JAZF1: variants seen among roughly 807,000 people sequenced by gnomAD.
The protein encoded by JAZF1 is JAZF zinc finger 1.
JAZF1 carries 8 observed loss-of-function variants against 26.4 expected under a neutral mutation model. The ratio of observed to expected loss-of-function variants is 0.30; its 90% confidence interval spans 0.18 to 0.55. The LOEUF is 0.55. Ranked by LOEUF, JAZF1 falls within the 20% of genes least tolerant of loss-of-function variation. The pLI is 0.94. For missense variants in JAZF1, 199 were observed against 322.0 expected, an observed-to-expected ratio of 0.62 and a Z score of 2.92; for synonymous variants, 126 against 122.3, an observed-to-expected ratio of 1.03 and a Z score of -0.20.
At chr7:28,109,330 T>C (rs10267985) in intron 1 of JAZF1, among the ~76,000 whole-genome samples, 95,607 of 152,010 alleles carry the variant, frequency 0.63, 31,571 homozygotes, top group Non-Finnish European at 0.73. Flanking sequence ...ATGGTAAATA[T>C]ATTCACTTTT....
intron 1 of JAZF1, among the ~76,000 whole-genome samples, chr7:28,043,905 C>T (rs968443255): frequency 6.6e-6 from 1 of 151,914 alleles, no homozygotes; most frequent in African/African-American, 2.4e-5. Flanking sequence ...TAGTATGATT[C>T]AACTTAGAGG....
chr7:27,888,885 A>T (rs1378541410), intron 3 of JAZF1, among the ~76,000 whole-genome samples: 1 of 152,182 alleles, frequency 6.6e-6, no homozygotes, highest in African/African-American at 2.4e-5. Flanking sequence ...TCCAGGAGTA[A>T]CTATGCGATG....
chr7:27,896,802 A>C (rs2128342307), intron 2 of JAZF1, among the ~76,000 whole-genome samples: 1 of 152,362 alleles, frequency 6.6e-6, no homozygotes, highest in South Asian at 2.1e-4. Flanking sequence ...TGGTTCTTGC[A>C]ATATAATCCA....
chr7:28,144,708 T>C (rs1481439534), intron 1 of JAZF1, among the ~76,000 whole-genome samples: 2 of 152,208 alleles, frequency 1.3e-5, no homozygotes, highest in Non-Finnish European at 1.5e-5. Context: ...AATCACAGTA[T>C]AATCATCTAG....
intron 3 of JAZF1, among the ~76,000 whole-genome samples, chr7:27,849,550 G>GGGGC (rs1465491753): frequency 6.6e-6 from 1 of 152,128 alleles, no homozygotes; most frequent in Non-Finnish European, 1.5e-5. Flanking sequence ...GTGGGAACCT[G>GGGGC]GGGCAGGCAG....
rs140915717 is a variant in JAZF1 at position 27,983,618 on chromosome 7, C to T, written c.188+8291G>A. On this transcript the variant is annotated intron_variant, in intron 2 of 4. Transcript: ENST00000283928. ...CAGAGAACGCCACAAAGATACTCCT[C>T]GAGAAAAGCAACTCCAAGACACATG... Among the ~76,000 whole-genome samples the T allele has an allele frequency of 5.6e-3, 859 of 152,116 alleles. 11 individuals carry two copies. The highest frequency in any genetic ancestry group is 0.02 in the African/African-American group (825 of 41,514).
At position 28,055,626 on chromosome 7, in the gene JAZF1, C is replaced by A. The variant is rs998326232; in HGVS notation, c.116-63645G>T. Among the ~76,000 whole-genome samples the A allele has an allele frequency of 3.3e-5, 5 of 152,160 alleles. No individual in the cohort carries two copies. The South Asian group carries it at 1.0e-3, about 32-fold the overall frequency. On this transcript the variant is annotated intron_variant, in intron 1 of 4. Coordinates refer to ENST00000283928, the MANE Select transcript of JAZF1 (RefSeq NM_175061.4). ...TTGATAATTAATAATGTTTTAATAT[C>A]ATTTACTACATACAATGTAAGCTTC...
chr7:28,167,885 C>G (rs182447843), intron 1 of JAZF1, among the ~76,000 whole-genome samples: 1 of 152,264 alleles, frequency 6.6e-6, no homozygotes, highest in Admixed American at 6.5e-5. Flanking sequence ...AGCTACTATT[C>G]TTTTCATTTT....
chr7:27,985,420 G>T (rs1785679933), intron 2 of JAZF1, among the ~76,000 whole-genome samples: 2 of 152,152 alleles, frequency 1.3e-5, no homozygotes, highest in Non-Finnish European at 1.5e-5. Flanking sequence ...TTGAATCTGT[G>T]AATAGACCAA....
At chr7:28,068,086 T>C (rs910285902) in intron 1 of JAZF1, among the ~76,000 whole-genome samples, 4 of 152,102 alleles carry the variant, frequency 2.6e-5, no homozygotes, top group Admixed American at 2.6e-4. Context: ...GCTAATTTTT[T>C]GTATATTTAG....
intron 1 of JAZF1, among the ~76,000 whole-genome samples, chr7:28,103,729 A>G (rs1458698262): frequency 1.3e-5 from 2 of 151,734 alleles, no homozygotes; most frequent in Admixed American, 1.3e-4. Context: ...ACCACTTCCC[A>G]CCACCTTCAC....
chr7:28,029,322 G>C (rs915328282), intron 1 of JAZF1, among the ~76,000 whole-genome samples: 10 of 152,302 alleles, frequency 6.6e-5, no homozygotes, highest in African/African-American at 2.2e-4. Context: ...AATATCTTAG[G>C]AATGAAGGAG....
chr7:28,163,699 CTTA>C (rs1783325120), intron 1 of JAZF1, among the ~76,000 whole-genome samples: 1 of 152,206 alleles, frequency 6.6e-6, no homozygotes, highest in Admixed American at 6.5e-5. Flanking sequence ...GCCTGAAATG[CTTA>C]TTAACTCCTC....
Position 27,968,004 on chromosome 7 carries a change from A to G in JAZF1, c.188+23905T>C, listed in dbSNP as rs999920478. ...TTAGAAATGAGTGCTACGTGCACAA[A>G]AAGACTGGGAAAAGAATATTCATAA... On this transcript the variant is annotated intron_variant, in intron 2 of 4. Transcript: ENST00000283928. Among the ~76,000 whole-genome samples the G allele has an allele frequency of 1.1e-4, 16 of 152,346 alleles. No homozygotes were observed. In the East Asian group the frequency reaches 1.7e-3, roughly 17 times the overall value.
intron 1 of JAZF1, among the ~76,000 whole-genome samples, chr7:28,177,333 G>A (rs189325237): frequency 1.3e-5 from 2 of 152,286 alleles, no homozygotes; most frequent in East Asian, 1.9e-4. Context: ...TCATTATGGG[G>A]AGAGGAAAAC....
rs543634180 is a variant in JAZF1 at position 27,982,941 on chromosome 7, C to T, written c.188+8968G>A. On this transcript the variant is annotated intron_variant, in intron 2 of 4. Transcript: ENST00000283928. ...CATCCACACCAAAACCCCATCTGTACGTCACCATTGTCAAAGACCAAAGAT... is the reference window on the plus strand; with the variant it reads ...CATCCACACCAAAACCCCATCTGTATGTCACCATTGTCAAAGACCAAAGAT... Among the ~76,000 whole-genome samples, 50 of 152,270 alleles carry T rather than the reference C, an allele frequency of 3.3e-4. 1 individual carries two copies. Among genetic ancestry groups the T allele is most frequent in the Admixed American group, 8.5e-4 (13 of 15,304 alleles).
intron 1 of JAZF1, among the ~76,000 whole-genome samples, chr7:28,080,750 T>C (rs1042700440): frequency 2.0e-5 from 3 of 152,166 alleles, no homozygotes; most frequent in African/African-American, 7.2e-5. Context: ...CACCGTCTTA[T>C]ATGGGTGCAG....
chr7:27,887,956 C>T (rs1783897947), intron 3 of JAZF1, among the ~76,000 whole-genome samples: 1 of 151,954 alleles, frequency 6.6e-6, no homozygotes, highest in South Asian at 2.1e-4. Context: ...ACTAGTCAAT[C>T]AAAAAGGAAG....
At chr7:27,973,867 GAGGC>G (rs1785420923) in intron 2 of JAZF1, among the ~76,000 whole-genome samples, 1 of 152,188 alleles carries the variant, frequency 6.6e-6, no homozygotes, top group Non-Finnish European at 1.5e-5. Context: ...GGAGAGAATG[GAGGC>G]AGGCAGGGAG....
Sources: allele counts gnomAD v4.1 joint callset (sites outside exome capture counted in the v4.1 genomes callset), GRCh38; gene constraint gnomAD v4.1.1; transcripts MANE v1.5; gene names NCBI Gene and HGNC (gene_info 2026-07-23, HGNC 2026-07-21).